Variants in NKAIN3 observed in about 807,000 individuals in gnomAD.
NKAIN3 encodes the protein sodium/potassium-transporting ATPase subunit beta-1-interacting protein 3.
In NKAIN3, 25 loss-of-function variants were observed where a neutral mutation model predicts 30.2. That is an observed-to-expected ratio of 0.83 (90% CI 0.60 to 1.16). The LOEUF (loss-of-function observed/expected upper bound fraction) is 1.16, where lower values mean the gene tolerates loss of function less well. NKAIN3 is among the 50% of genes most tolerant of loss of function. The probability of loss-of-function intolerance (pLI) is 0.00; values close to 1 mark genes in which losing one functional copy is unlikely to be tolerated. For synonymous variants in NKAIN3, 91 were observed against 89.6 expected, an observed-to-expected ratio of 1.02 and a Z score of -0.09; for missense variants, 225 against 254.1, an observed-to-expected ratio of 0.89 and a Z score of 0.78.
chr8:62,905,442 A>C, intron 4 of NKAIN3, among the ~76,000 whole-genome samples: 1 of 152,226 alleles, frequency 6.6e-6, no homozygotes, highest in South Asian at 2.1e-4. Flanking sequence ...ATCAAAATTC[A>C]AACATGCTAT....
chr8:62,602,358 T>C (rs1040829084), intron 3 of NKAIN3, among the ~76,000 whole-genome samples: 4 of 152,218 alleles, frequency 2.6e-5, no homozygotes, highest in African/African-American at 9.6e-5. Flanking sequence ...TTTTATCTTT[T>C]CTTCTTCTAA....
intron 4 of NKAIN3, among the ~76,000 whole-genome samples, chr8:62,831,408 T>G (rs1404664474): frequency 6.6e-6 from 1 of 152,062 alleles, no homozygotes; most frequent in Non-Finnish European, 1.5e-5. Context: ...AGAAATGACA[T>G]GAATAATTCA....
intron 3 of NKAIN3, among the ~76,000 whole-genome samples, chr8:62,593,289 AAAG>A (rs1810713957): frequency 1.3e-5 from 2 of 152,028 alleles, no homozygotes; most frequent in African/African-American, 4.8e-5. Context: ...TTCACAAATC[AAAG>A]AAGAAATTTA....
At chr8:62,470,547 A>G (rs1004446333) in intron 1 of NKAIN3, among the ~76,000 whole-genome samples, 2 of 152,104 alleles carry the variant, frequency 1.3e-5, no homozygotes, top group Non-Finnish European at 2.9e-5. Context: ...CAGGATTTAG[A>G]CACTAAATTA....
intron 4 of NKAIN3, among the ~76,000 whole-genome samples, chr8:62,801,698 A>G (rs1387827968): frequency 6.6e-6 from 1 of 152,246 alleles, no homozygotes; most frequent in Non-Finnish European, 1.5e-5. Flanking sequence ...TGGGAACTCT[A>G]AAGAGCAGAG....
intron 4 of NKAIN3, among the ~76,000 whole-genome samples, chr8:62,788,712 T>C (rs1022469748): frequency 3.3e-5 from 5 of 151,930 alleles, no homozygotes; most frequent in African/African-American, 1.2e-4. Context: ...AATTTTTGTA[T>C]AAGGTGTAAG....
rs190845556 is a variant in NKAIN3 at position 62,818,498 on chromosome 8, T to A, written c.471+71369T>A. Among the ~76,000 whole-genome samples the A allele has an allele frequency of 3.3e-5, 5 of 152,272 alleles. No homozygotes were observed. The East Asian group carries it at 9.7e-4, about 29-fold the overall frequency. ...TTTATTTTATCTCCTTTCCTAGTAA[T>A]CATATTTCTATGCCAACTTTTTTTT... On this transcript the variant is annotated intron_variant, in intron 4 of 6. Transcript: ENST00000623646.
At chr8:62,452,477 A>AAAAT (rs571761735) in intron 1 of NKAIN3, among the ~76,000 whole-genome samples, 89 of 152,148 alleles carry the variant, frequency 5.8e-4, no homozygotes, top group South Asian at 2.1e-3. Context: ...CTCTGTCTCA[A>AAAAT]AAATAAATAA....
chr8:62,542,036 GAC>G (rs1254685953), intron 1 of NKAIN3, among the ~76,000 whole-genome samples: 11 of 152,142 alleles, frequency 7.2e-5, no homozygotes, highest in Non-Finnish European at 1.3e-4. Flanking sequence ...TCACTGAGAA[GAC>G]TCAAATGACA....
Position 62,345,553 on chromosome 8 carries a change from GTA to G in NKAIN3, c.54+96433_54+96434del, listed in dbSNP as rs1304099642. Among the ~76,000 whole-genome samples, 152 of 113,822 alleles carry G rather than the reference GTA, an allele frequency of 1.3e-3. 2 individuals are homozygous for G. The highest frequency in any genetic ancestry group is 5.4e-3 in the African/African-American group (131 of 24,376). The allele number at this position is 113,822 out of a possible 152,430, so 74.7% of individuals were successfully genotyped here. On this transcript the variant is annotated intron_variant, in intron 1 of 6. Transcript: ENST00000623646. Reference sequence around the variant, plus strand: ...TATACACACATATATACACATATATGTATATATACACATATATACACATATAT... The same window carrying G: ...TATACACACATATATACACATATATGTATATACACATATATACACATATAT...
At chr8:62,934,388 A>T (rs1422878754) in intron 5 of NKAIN3, among the ~76,000 whole-genome samples, 2 of 152,068 alleles carry the variant, frequency 1.3e-5, no homozygotes, top group Non-Finnish European at 2.9e-5. Flanking sequence ...TTAAAAAAAA[A>T]AAATGCAGAC....
chr8:62,958,438 C>T (rs976452565), intron 6 of NKAIN3, among the ~76,000 whole-genome samples: 7 of 152,060 alleles, frequency 4.6e-5, no homozygotes, highest in South Asian at 4.1e-4. Context: ...GGAGTCTCCA[C>T]CGGGATCTAC....
intron 1 of NKAIN3, among the ~76,000 whole-genome samples, chr8:62,370,481 A>T (rs553164509): frequency 1.3e-5 from 2 of 152,132 alleles, no homozygotes; most frequent in South Asian, 2.1e-4. Flanking sequence ...AATTGCATAC[A>T]TGTATATATA....
At chr8:62,886,261 T>A (rs1486022542) in intron 4 of NKAIN3, among the ~76,000 whole-genome samples, 1 of 152,068 alleles carries the variant, frequency 6.6e-6, no homozygotes, top group South Asian at 2.1e-4. Flanking sequence ...GTAGAGTGAG[T>A]GCCTCATAAT....
intron 1 of NKAIN3, among the ~76,000 whole-genome samples, chr8:62,395,719 A>AT (rs1480553535): frequency 6.6e-6 from 1 of 152,220 alleles, no homozygotes; most frequent in Non-Finnish European, 1.5e-5. Context: ...TCTTAATTAT[A>AT]CATATATCTT....
chr8:62,927,863 C>T (rs1039677356), intron 5 of NKAIN3, among the ~76,000 whole-genome samples: 1 of 152,002 alleles, frequency 6.6e-6, no homozygotes, highest in African/African-American at 2.4e-5. Context: ...TAAGACCAGA[C>T]AATAAAAGAG....
intron 3 of NKAIN3, among the ~76,000 whole-genome samples, chr8:62,667,189 C>T (rs182498438): frequency 2.0e-5 from 3 of 150,178 alleles, no homozygotes; most frequent in Admixed American, 2.0e-4. Context: ...AGGAGATATA[C>T]CAAATGTAAA....
chr8:62,731,977 T>A (rs898948142), intron 3 of NKAIN3, among the ~76,000 whole-genome samples: 1 of 152,044 alleles, frequency 6.6e-6, no homozygotes, highest in Non-Finnish European at 1.5e-5. Flanking sequence ...GCCCATAGAA[T>A]GCATCTCATT....
At position 62,822,164 on chromosome 8, in the gene NKAIN3, C is replaced by T. The variant is rs575277730; in HGVS notation, c.471+75035C>T. On this transcript the variant is annotated intron_variant, in intron 4 of 6. Transcript: ENST00000623646. ...GGAGCATATTGCCAAAAGGAAAAGG[C>T]ACCAACTGACCTATAGTGATTGTTC... is the stretch of plus-strand genomic sequence containing the variant. Among the ~76,000 whole-genome samples the T allele has an allele frequency of 2.0e-5, 3 of 152,256 alleles. No individual in the cohort carries two copies. The South Asian group carries it at 6.2e-4, about 32-fold the overall frequency.
Sources: allele counts gnomAD v4.1 joint callset (sites outside exome capture counted in the v4.1 genomes callset), GRCh38; gene constraint gnomAD v4.1.1; transcripts MANE v1.5; gene names NCBI Gene and HGNC (gene_info 2026-07-23, HGNC 2026-07-21).